The following RPH3A variants were observed in gnomAD, a reference collection of about 807,000 sequenced individuals.
RPH3A encodes rabphilin 3A.
A neutral mutation model predicts 102.2 loss-of-function variants in RPH3A; 48 were observed. The ratio of observed to expected loss-of-function variants is 0.47; its 90% CI spans 0.37 to 0.60. RPH3A has a LOEUF of 0.60. RPH3A is among the 20% of genes least tolerant of loss of function. RPH3A has a pLI of 0.00. For synonymous variants in RPH3A, 310 were observed against 324.3 expected, an observed-to-expected ratio of 0.96 and a Z score of 0.47; for missense variants, 781 against 910.1, an observed-to-expected ratio of 0.86 and a Z score of 1.83.
chr12:112,739,080 G>T (rs1211760677), intron 1 of RPH3A, among the ~76,000 whole-genome samples: 3 of 152,170 alleles, frequency 2.0e-5, no homozygotes, highest in Non-Finnish European at 4.4e-5. Flanking sequence ...TTGCTTGAAA[G>T]CCAAGAGGTC....
intron 12 of RPH3A, among the ~76,000 whole-genome samples, chr12:112,876,311 G>T (rs1286520742): frequency 6.6e-6 from 1 of 152,164 alleles, no homozygotes; most frequent in Non-Finnish European, 1.5e-5. Flanking sequence ...TATTTGAGGA[G>T]CTTCAGATAT....
chr12:112,742,149 A>C (rs12307490), intron 1 of RPH3A, among the ~76,000 whole-genome samples: 6,308 of 152,228 alleles, frequency 0.041, 452 homozygotes, highest in African/African-American at 0.14. Context: ...TGAAAGTCCA[A>C]GCGAGATCCC....
At chr12:112,842,766 A>C (rs1431424915) in intron 4 of RPH3A, among the ~76,000 whole-genome samples, 1 of 152,228 alleles carries the variant, frequency 6.6e-6, no homozygotes, top group Non-Finnish European at 1.5e-5. Flanking sequence ...ATCCTGGTAG[A>C]TTAAGAGGAT....
At chr12:112,659,110 C>T (rs2040033048) in intron 1 of RPH3A, among the ~76,000 whole-genome samples, 2 of 152,174 alleles carry the variant, frequency 1.3e-5, no homozygotes, top group South Asian at 2.1e-4. Context: ...TAAATTGCTA[C>T]CTCCTACTGC....
intron 1 of RPH3A, among the ~76,000 whole-genome samples, chr12:112,754,466 CA>C (rs1353459182): frequency 6.6e-6 from 1 of 151,868 alleles, no homozygotes; most frequent in Non-Finnish European, 1.5e-5. Context: ...GAACCAATGA[CA>C]AAATAGAACT....
At chr12:112,760,917 A>T (rs1235829779) in intron 1 of RPH3A, among the ~76,000 whole-genome samples, 1 of 152,106 alleles carries the variant, frequency 6.6e-6, no homozygotes, top group African/African-American at 2.4e-5. Flanking sequence ...CTTTCAACAC[A>T]ATGTTCCAGA....
At chr12:112,620,613 G>A (rs146085829) in intron 1 of RPH3A, among the ~76,000 whole-genome samples, 3 of 152,240 alleles carry the variant, frequency 2.0e-5, no homozygotes, top group Non-Finnish European at 2.9e-5. Flanking sequence ...AGTCAGTACC[G>A]CCACTAGGAT....
At position 112,890,852 on chromosome 12, in the gene RPH3A, G is replaced by C. The variant is rs2043082157; in HGVS notation, c.1624G>C (p.Val542Leu). ...RGMALYEEEQ[V>L]ERVGDIEERG... Reference sequence around the variant, plus strand: ...ACTGCCTTTTCCCCCAATGCAGCAGGTGGAGCGTGTTGGTGACATCGAGGA... The same window carrying C: ...ACTGCCTTTTCCCCCAATGCAGCAGCTGGAGCGTGTTGGTGACATCGAGGA... Residue 542 changes from valine to leucine, a missense_variant, in exon 19 of 22, where the codon GTG becomes CTG. Around this residue, in one of 2 missense-constraint regions of RPH3A, gnomAD observed 730 missense variants for 810.0 expected, o/e 0.90. Transcript: ENST00000389385. The C allele has an allele frequency of 6.2e-7, 1 of 1,613,404 alleles. No homozygotes were observed.
intron 1 of RPH3A, among the ~76,000 whole-genome samples, chr12:112,643,772 G>C (rs1193211549): frequency 1.3e-5 from 2 of 152,160 alleles, no homozygotes; most frequent in Admixed American, 1.3e-4. Context: ...ATAATGTTTT[G>C]CAAAAATAGA....
chr12:112,666,024 T>A (rs2040081327), intron 1 of RPH3A, among the ~76,000 whole-genome samples: 1 of 152,094 alleles, frequency 6.6e-6, no homozygotes. Flanking sequence ...GAACTTAGGG[T>A]GAAAAGCATG....
At chr12:112,666,075 GAC>G (rs1462537513) in intron 1 of RPH3A, among the ~76,000 whole-genome samples, 4 of 152,118 alleles carry the variant, frequency 2.6e-5, no homozygotes. Flanking sequence ...CTACTTACTC[GAC>G]ACATGCATTG....
intron 1 of RPH3A, among the ~76,000 whole-genome samples, chr12:112,745,556 C>T (rs1198915143): frequency 1.3e-5 from 2 of 152,168 alleles, no homozygotes; most frequent in Non-Finnish European, 2.9e-5. Context: ...CTCATGGAGC[C>T]ATTAAAATCC....
intron 5 of RPH3A, among the ~76,000 whole-genome samples, chr12:112,848,044 G>A (rs1593077372): frequency 6.6e-6 from 1 of 152,192 alleles, no homozygotes; most frequent in Admixed American, 6.5e-5. Context: ...GGGAGAGCTA[G>A]GAGAAGAGAA....
intron 1 of RPH3A, among the ~76,000 whole-genome samples, chr12:112,715,222 G>A (rs1299300091): frequency 6.6e-6 from 1 of 152,046 alleles, no homozygotes; most frequent in Non-Finnish European, 1.5e-5. Flanking sequence ...CTTTCTCCAG[G>A]TATTCACTTG....
intron 1 of RPH3A, among the ~76,000 whole-genome samples, chr12:112,778,793 T>C (rs2040986851): frequency 6.6e-6 from 1 of 152,224 alleles, no homozygotes. Flanking sequence ...TTCCTAAGAA[T>C]GCCTGCAAAA....
chr12:112,580,967 T>G (rs1038392903), intron 1 of RPH3A, among the ~76,000 whole-genome samples: 1 of 152,216 alleles, frequency 6.6e-6, no homozygotes, highest in Non-Finnish European at 1.5e-5. Context: ...CATTCCACAC[T>G]GGCTTTGCGG....
In RPH3A at chr12:112,713,058, CTT is replaced by C. The variant is rs2040488711; in HGVS notation, c.-139-79084_-139-79083del. On this transcript the variant is annotated intron_variant, in intron 1 of 21. Coordinates refer to the RPH3A transcript ENST00000543106. ...TCTTCTTCTTCTTCTTCTCCTTCTT[CTT>C]CTTCTTCTTCTTCTTCTTCTTCTTC... Among the ~76,000 whole-genome samples the C allele has an allele frequency of 6.2e-4, 53 of 85,976 alleles. 3 individuals carry two copies. Among genetic ancestry groups the C allele is most frequent in the Middle Eastern group, 4.6e-3 (1 of 216 alleles). The allele number at this position is 85,976 out of a possible 152,430, so 56.4% of individuals were successfully genotyped here. A position where few individuals can be genotyped will look rare whatever the true frequency, so the allele number is the denominator to read the frequency against.
chr12:112,787,696 C>T (rs142127198), upstream of RPH3A, among the ~76,000 whole-genome samples: 20 of 152,296 alleles, frequency 1.3e-4, no homozygotes, highest in East Asian at 3.5e-3. Context: ...AGGCTAGTTG[C>T]TTTAGGAGTC....
intron 5 of RPH3A, among the ~76,000 whole-genome samples, chr12:112,853,219 G>T (rs891662578): frequency 6.6e-6 from 1 of 152,200 alleles, no homozygotes; most frequent in Non-Finnish European, 1.5e-5. Flanking sequence ...CCTATGGCTT[G>T]ACAAGCCAAC....
Sources: gnomAD v4.1 joint callset for allele counts (sites outside exome capture counted in the v4.1 genomes callset) on GRCh38, gnomAD v4.1.1 for gene constraint, gnomAD v4.1.1 regional missense constraint, MANE v1.5 for transcripts, NCBI Gene and HGNC (gene_info 2026-07-23, HGNC 2026-07-21) for gene names.